Variants in PECR observed in about 807,000 individuals in gnomAD.
The protein encoded by PECR is peroxisomal trans-2-enoyl-CoA reductase.
A neutral mutation model predicts 35.3 loss-of-function variants in PECR; 30 were observed. That is an observed-to-expected ratio of 0.85 (90% CI 0.64 to 1.15). PECR has a LOEUF of 1.15. Among genes scored for constraint, PECR ranks in the 50% most tolerant of loss-of-function variants. PECR has a pLI of 0.00. For synonymous variants in PECR, 148 were observed against 138.9 expected (o/e 1.07, Z -0.46); for missense variants, 392 against 370.8 (o/e 1.06, Z -0.47).
chr2:216,079,270 A>G (rs1027402913), intron 1 of PECR, among the ~76,000 whole-genome samples: 2 of 152,084 alleles, frequency 1.3e-5, no homozygotes, highest in African/African-American at 4.8e-5. Flanking sequence ...AAATATTTAA[A>G]AGACGAAGAC....
chr2:216,035,541 G>A (rs917016897), downstream of PECR, among the ~76,000 whole-genome samples: 5 of 150,218 alleles, frequency 3.3e-5, no homozygotes, highest in Non-Finnish European at 7.4e-5. Context: ...AGGCTGGAGT[G>A]CAATGGTGCA....
At chr2:216,080,162 A>G (rs1695804613) in intron 1 of PECR, among the ~76,000 whole-genome samples, 2 of 151,250 alleles carry the variant, frequency 1.3e-5, no homozygotes, top group South Asian at 4.2e-4. Context: ...GCTCATTGCA[A>G]CCTCTGCCTC....
intron 1 of PECR, among the ~76,000 whole-genome samples, chr2:216,071,169 C>T (rs773037142): frequency 6.6e-6 from 1 of 152,206 alleles, no homozygotes; most frequent in Non-Finnish European, 1.5e-5. Flanking sequence ...CTTGAGGGCA[C>T]CCACACAGTT....
At chr2:216,042,970 CGTATATGTGT>C (rs1694915379) in intron 7 of PECR, among the ~76,000 whole-genome samples, 1 of 69,800 alleles carries the variant, frequency 1.4e-5, no homozygotes, top group Non-Finnish European at 2.8e-5. Context: ...TATACACATA[CGTATATGTGT>C]ATATATATAT....
intron 7 of PECR, among the ~76,000 whole-genome samples, chr2:216,030,216 C>A (rs912711235): frequency 1.3e-5 from 2 of 152,122 alleles, no homozygotes; most frequent in African/African-American, 4.8e-5. Context: ...TTCTCTTTAG[C>A]CTGTGTTTGA....
At position 216,039,196 on chromosome 2, in the gene PECR, A is replaced by G. The variant is rs1410483026; in HGVS notation, c.*79T>C. 2 of 824,046 alleles carry G rather than the reference A, an allele frequency of 2.4e-6. No homozygotes were observed. Among genetic ancestry groups the G allele is most frequent in the Non-Finnish European group, 4.3e-6 (2 of 461,810 alleles). The allele number at this position is 824,046 out of a possible 1,614,324, so 51.0% of individuals were successfully genotyped here. A position where few individuals can be genotyped will look rare whatever the true frequency, so the allele number is the denominator to read the frequency against. ...AAGAAAAATGTTTTCCATACCAACT[A>G]TAAGCTTTTAAAAAGTACAGAAGCA... On this transcript the variant is annotated 3_prime_UTR_variant, in exon 8 of 8. Coordinates refer to ENST00000265322, the MANE Select transcript of PECR (RefSeq NM_018441.6).
rs35689726 is a variant in PECR, at chr2:216,069,934, C to CA, written c.125-3417dup. Among the ~76,000 whole-genome samples, 562 of 101,044 alleles carry CA rather than the reference C, an allele frequency of 5.6e-3. 7 individuals are homozygous for CA. Among genetic ancestry groups the CA allele is most frequent in the East Asian group, 0.032 (131 of 4,044 alleles). The allele number at this position is 101,044 out of a possible 152,430, so 66.3% of individuals were successfully genotyped here. On this transcript the variant is annotated intron_variant, in intron 1 of 7. Coordinates refer to ENST00000265322, the MANE Select transcript of PECR (RefSeq NM_018441.6). ...CTGGGTGACAAGAGCAAGACTCTGTCAAAAAAAAAAAAAAAAAAGAAACTT... is the reference window on the plus strand; with the variant it reads ...CTGGGTGACAAGAGCAAGACTCTGTCAAAAAAAAAAAAAAAAAAAGAAACTT...
intron 7 of PECR, among the ~76,000 whole-genome samples, chr2:216,041,256 C>T (rs745512257): frequency 1.3e-5 from 2 of 152,178 alleles, no homozygotes; most frequent in Non-Finnish European, 2.9e-5. Flanking sequence ...ATTTCTTTCC[C>T]TTCTAAAGGT....
intron 6 of PECR, among the ~76,000 whole-genome samples, chr2:216,046,092 C>T (rs1362048009): frequency 4.8e-5 from 7 of 145,112 alleles, no homozygotes; most frequent in African/African-American, 7.7e-5. Flanking sequence ...GCAGGAGAAT[C>T]GCTTGAACCA....
intron 6 of PECR, among the ~76,000 whole-genome samples, chr2:216,045,809 A>G (rs555003651): frequency 1.2e-4 from 19 of 152,252 alleles, no homozygotes; most frequent in Non-Finnish European, 2.6e-4. Context: ...CCTTTCTGAA[A>G]TGCCATCCAG....
chr2:216,071,657 C>T (rs1443693460), intron 1 of PECR, among the ~76,000 whole-genome samples: 2 of 152,178 alleles, frequency 1.3e-5, no homozygotes, highest in Non-Finnish European at 2.9e-5. Context: ...GTTCTTGTGA[C>T]ATTACCACTA....
At chr2:216,033,765 C>G (rs905048280), downstream of PECR, 1 of 152,436 alleles carries the variant, frequency 6.6e-6, no homozygotes, top group African/African-American at 2.4e-5. Context: ...AAGACTCTGA[C>G]TCCCACCAGG....
intron 1 of PECR, among the ~76,000 whole-genome samples, chr2:216,067,649 C>T (rs568543280): frequency 2.6e-5 from 4 of 151,886 alleles, no homozygotes; most frequent in South Asian, 2.1e-4. Context: ...CTCCACCTCC[C>T]GGGTTCAAGT....
chr2:216,040,571 A>C (rs1176064560), intron 7 of PECR, among the ~76,000 whole-genome samples: 1 of 152,144 alleles, frequency 6.6e-6, no homozygotes, highest in Non-Finnish European at 1.5e-5. Flanking sequence ...TAGGGATTTA[A>C]ATGTGCATTA....
rs138180612 is a variant in PECR at position 216,068,682 on chromosome 2, T to C, written c.125-2164A>G. On this transcript the variant is annotated intron_variant, in intron 1 of 7. Transcript: ENST00000265322. ...TGAGACAGGGTCTTACTCTGTTGCCTAGGCTGGTGTGCAGTGGCGATCTTG... is the reference window on the plus strand; with the variant it reads ...TGAGACAGGGTCTTACTCTGTTGCCCAGGCTGGTGTGCAGTGGCGATCTTG... Among the ~76,000 whole-genome samples the C allele has an allele frequency of 2.9e-3, 438 of 152,162 alleles. 4 individuals are homozygous for C. The highest frequency in any genetic ancestry group is 0.01 in the African/African-American group (425 of 41,520).
intron 1 of PECR, among the ~76,000 whole-genome samples, chr2:216,080,874 G>A (rs923198195): frequency 5.9e-5 from 9 of 152,102 alleles, no homozygotes; most frequent in Admixed American, 2.0e-4. Context: ...GCTGTTGGCC[G>A]AATCTAGTGG....
At chr2:216,056,519 G>A (rs1018250395) in intron 4 of PECR, among the ~76,000 whole-genome samples, 2 of 151,900 alleles carry the variant, frequency 1.3e-5, no homozygotes, top group East Asian at 1.9e-4. Context: ...TCAGGAGTTC[G>A]AGACCAGCCT....
downstream of PECR, among the ~76,000 whole-genome samples, chr2:216,035,070 C>T (rs140469120): frequency 1.1e-4 from 16 of 152,322 alleles, no homozygotes; most frequent in East Asian, 3.9e-4. Context: ...GGCCACAGGA[C>T]GGCCAGTCGA....
chr2:216,049,579 T>G (rs1216868966), intron 5 of PECR, among the ~76,000 whole-genome samples: 1 of 152,222 alleles, frequency 6.6e-6, no homozygotes, highest in Non-Finnish European at 1.5e-5. Context: ...ATAGTTATTT[T>G]GTGACCTCCT....
Sources: gnomAD v4.1 joint callset for allele counts (sites outside exome capture counted in the v4.1 genomes callset) on GRCh38, gnomAD v4.1.1 for gene constraint, MANE v1.5 for transcripts, NCBI Gene and HGNC (gene_info 2026-07-23, HGNC 2026-07-21) for gene names.